The following MYO5C variants were observed in gnomAD, a reference collection of about 807,000 sequenced individuals.
The protein encoded by MYO5C is unconventional myosin-Vc.
MYO5C carries 194 observed loss-of-function variants against 235.7 expected under a neutral mutation model. The ratio of observed to expected loss-of-function variants is 0.82; its 90% CI spans 0.73 to 0.93. The LOEUF is 0.93. Among genes scored for constraint, MYO5C ranks in the 40% least tolerant of loss-of-function variants. MYO5C has a pLI of 0.00. For synonymous variants in MYO5C, 707 were observed against 754.8 expected, an observed-to-expected ratio of 0.94 and a Z score of 1.04; for missense variants, 2,038 against 2,127.2, an observed-to-expected ratio of 0.96 and a Z score of 0.82.
At chr15:52,195,498 A>T in intron 39 of MYO5C, 41 bp from the exon 40 acceptor site, 2 of 1,343,706 alleles carry the variant, frequency 1.5e-6, no homozygotes, top group Non-Finnish European at 2.1e-6. Context: ...CATGCAAAAT[A>T]ATAACTCTGT....
chr15:52,235,484 TAAAAC>T (rs1308630849), intron 23 of MYO5C, among the ~76,000 whole-genome samples, 181 bp downstream of exon 23: 1 of 152,094 alleles, frequency 6.6e-6, no homozygotes, highest in Non-Finnish European at 1.5e-5. Context: ...AAGACAGAAA[TAAAAC>T]AGACGAATCT....
At chr15:52,194,083 T>TA (rs761799594) in intron 40 of MYO5C, 29 bp from the exon 41 acceptor site, 22 of 1,603,214 alleles carry the variant, frequency 1.4e-5, no homozygotes, top group South Asian at 4.5e-5. Flanking sequence ...GAAAAATGAG[T>TA]AAGGAAACTA....
intron 38 of MYO5C, among the ~76,000 whole-genome samples, chr15:52,200,253 C>T (rs1280314250): frequency 6.6e-6 from 1 of 152,132 alleles, no homozygotes; most frequent in Non-Finnish European, 1.5e-5. Context: ...AAAATATTGA[C>T]ATTCTCCATA....
intron 8 of MYO5C, among the ~76,000 whole-genome samples, chr15:52,269,440 G>A (rs1166572042): frequency 7.5e-6 from 1 of 133,082 alleles, no homozygotes; most frequent in East Asian, 2.3e-4. Context: ...TTGCCAGGCT[G>A]GAGTGCAGTG....
intron 32 of MYO5C, among the ~76,000 whole-genome samples, chr15:52,215,397 T>C (rs1260472546): frequency 6.6e-6 from 1 of 152,230 alleles, no homozygotes; most frequent in Admixed American, 6.5e-5. Flanking sequence ...GTTTAAGTTC[T>C]TCCACATCTG....
intron 10 of MYO5C, among the ~76,000 whole-genome samples, chr15:52,259,281 G>A (rs957204647): frequency 1.1e-4 from 17 of 151,906 alleles, no homozygotes; most frequent in African/African-American, 3.6e-4. Context: ...TCAGCCGGGC[G>A]TAGTGGCAGG....
rs1452001456 is a variant in MYO5C, at chr15:52,291,663, G to C, written c.27+3947C>G. Among the ~76,000 whole-genome samples the C allele has an allele frequency of 8.0e-5, 12 of 149,938 alleles. No individual in the cohort carries two copies. The Admixed American group carries it at 8.0e-4, about 10-fold the overall frequency. ...CTTGTTGACTTCTCTGCAGCTACTA[G>C]AAAGAAAGACCGTCCAATCTTTAGG... On this transcript the variant is annotated intron_variant, in intron 1 of 40. Transcript: ENST00000261839.
chr15:52,253,183 C>G, intron 12 of MYO5C, 134 bp downstream of exon 12: 2 of 932,834 alleles, frequency 2.1e-6, no homozygotes, highest in Non-Finnish European at 1.6e-6. Flanking sequence ...TGGATGCTGT[C>G]CCAGCATTAA....
intron 25 of MYO5C, among the ~76,000 whole-genome samples, chr15:52,226,430 A>G (rs1302472833): frequency 1.3e-5 from 2 of 152,230 alleles, no homozygotes; most frequent in African/African-American, 4.8e-5. Flanking sequence ...TTTGCTTTGT[A>G]TCTGAGGGAG....
chr15:52,218,645 C>T lies in MYO5C; in HGVS notation c.3828G>A (p.Glu1276=). The T allele has an allele frequency of 1.2e-6, 2 of 1,614,186 alleles. No homozygotes were observed. The highest frequency in any genetic ancestry group is 1.7e-5 in the Admixed American group (1 of 60,022). The change falls in exon 32 of 41, where the codon GAG becomes GAA. Residue 1276 remains glutamate (E), a synonymous_variant. Transcript: ENST00000261839. ...AQNEIHTKEK[E]KLIDKIQEMQ... ...TTTCTTGAATCTTATCAATCAGCTT[C>T]TCCTTCTCTTTGGTATGTATTTCAT...
intron 11 of MYO5C, among the ~76,000 whole-genome samples, 166 bp from the exon 12 acceptor site, chr15:52,253,623 C>T (rs1486592590): frequency 1.3e-5 from 2 of 152,210 alleles, no homozygotes; most frequent in African/African-American, 4.8e-5. Flanking sequence ...TCAATACCGC[C>T]GAGTTCCTAA....
intron 38 of MYO5C, among the ~76,000 whole-genome samples, chr15:52,199,888 G>A (rs1036342782): frequency 6.6e-6 from 1 of 152,140 alleles, no homozygotes; most frequent in Non-Finnish European, 1.5e-5. Context: ...ATTAAGGAAA[G>A]CTCCAGTTTT....
chr15:52,277,709 T>G (rs2037082166), intron 4 of MYO5C: 1 of 392,034 alleles, frequency 2.6e-6, no homozygotes, highest in African/African-American at 2.1e-5. Flanking sequence ...AGAACTGGCT[T>G]GTCCCTGAGG....
chr15:52,236,795 T>C (rs1324988320), intron 22 of MYO5C: 1 of 152,262 alleles, frequency 6.6e-6, no homozygotes, highest in East Asian at 1.9e-4. Context: ...CATTATTTCA[T>C]CTGACCATTT....
At chr15:52,237,807 G>A (rs1354700734) in intron 21 of MYO5C, among the ~76,000 whole-genome samples, 161 bp from the exon 22 acceptor site, 1 of 152,180 alleles carries the variant, frequency 6.6e-6, no homozygotes, top group Non-Finnish European at 1.5e-5. Flanking sequence ...TCTTTGTGGT[G>A]AAACAGTATG....
chr15:52,214,148 C>G (rs1358737810), intron 33 of MYO5C, among the ~76,000 whole-genome samples: 1 of 152,146 alleles, frequency 6.6e-6, no homozygotes, highest in Admixed American at 6.5e-5. Flanking sequence ...GGAGGAGGGT[C>G]CCTTTCACAG....
chr15:52,252,769 C>T (rs1346950947), intron 12 of MYO5C, among the ~76,000 whole-genome samples: 5 of 144,480 alleles, frequency 3.5e-5, no homozygotes, highest in South Asian at 2.2e-4. Context: ...AGCAAGACTC[C>T]GTCTCAAAAA....
At chr15:52,250,876 A>C (rs2036456497) in intron 13 of MYO5C, 2 of 152,268 alleles carry the variant, frequency 1.3e-5, no homozygotes, top group Non-Finnish European at 2.9e-5. Context: ...TGATTTTAAC[A>C]AAAATTTTTC....
At chr15:52,281,903 G>A (rs2037169168) in intron 2 of MYO5C, among the ~76,000 whole-genome samples, 1 of 152,172 alleles carries the variant, frequency 6.6e-6, no homozygotes, top group African/African-American at 2.4e-5. Context: ...CCACCTCTGG[G>A]ATCTAGATGG....
Sources: allele counts gnomAD v4.1 joint callset (sites outside exome capture counted in the v4.1 genomes callset), GRCh38; gene constraint gnomAD v4.1.1; transcripts MANE v1.5; gene names NCBI Gene and HGNC (gene_info 2026-07-23, HGNC 2026-07-21).